The following SAMD5 variants were observed in gnomAD, a reference collection of about 807,000 sequenced individuals.
SAMD5 encodes sterile alpha motif domain-containing protein 5.
Under a neutral mutation model 11.3 loss-of-function variants are expected in SAMD5, and 13 were observed. The observed-to-expected ratio is 1.15, with a 90% confidence interval of 0.75 to 1.83. SAMD5 has a LOEUF of 1.83. Among genes scored for constraint, SAMD5 ranks in the 40% most tolerant of loss-of-function variants. SAMD5 has a pLI of 0.00. For missense variants in SAMD5, 255 were observed against 239.1 expected, an observed-to-expected ratio of 1.07 and a Z score of -0.44; for synonymous variants, 129 against 111.3, an observed-to-expected ratio of 1.16 and a Z score of -1.00.
intron 1 of SAMD5, among the ~76,000 whole-genome samples, chr6:147,710,221 G>A (rs942636742): frequency 2.0e-5 from 3 of 152,094 alleles, no homozygotes; most frequent in African/African-American, 7.2e-5. Flanking sequence ...CCTGCTATGA[G>A]ACTGGGTTGA....
chr6:147,578,802 A>T (rs1014567783), intron 1 of SAMD5, among the ~76,000 whole-genome samples: 1 of 152,008 alleles, frequency 6.6e-6, no homozygotes, highest in Non-Finnish European at 1.5e-5. Flanking sequence ...AAAAAAAAAA[A>T]ACCCAATCTA....
intron 1 of SAMD5, among the ~76,000 whole-genome samples, chr6:147,618,068 T>A (rs1562334784): frequency 6.6e-6 from 1 of 152,246 alleles, no homozygotes. Flanking sequence ...CTACTTTTTA[T>A]GTTTTGACTC....
chr6:147,741,960 C>T (rs1240107045), downstream of SAMD5: 2 of 152,102 alleles, frequency 1.3e-5, no homozygotes, highest in African/African-American at 2.4e-5. Context: ...TTCCCCTCTG[C>T]GTGTTTATAT....
chr6:147,575,140 G>T (rs1583091231), intron 1 of SAMD5, among the ~76,000 whole-genome samples: 1 of 152,280 alleles, frequency 6.6e-6, no homozygotes, highest in East Asian at 1.9e-4. Context: ...TAAATGTAAG[G>T]TAATTCTATA....
At chr6:147,583,335 G>A (rs572119748) in intron 1 of SAMD5, among the ~76,000 whole-genome samples, 1 of 152,320 alleles carries the variant, frequency 6.6e-6, no homozygotes, top group East Asian at 1.9e-4. Flanking sequence ...GAATTAATGT[G>A]AGAATTTGGA....
chr6:147,690,182 T>G (rs73014020), intron 1 of SAMD5, among the ~76,000 whole-genome samples: 17,465 of 152,222 alleles, frequency 0.11, 1,100 homozygotes, highest in Middle Eastern at 0.16. Context: ...TATCTATTTT[T>G]AAATCTAAAT....
chr6:147,743,861 C>G, the SAMD5 span, among the ~76,000 whole-genome samples: 1 of 152,112 alleles, frequency 6.6e-6, no homozygotes, highest in Non-Finnish European at 1.5e-5. Flanking sequence ...AGATTTGGGA[C>G]TTAATAGAGT....
At chr6:147,776,856 C>A in the SAMD5 span, among the ~76,000 whole-genome samples, 7 of 152,166 alleles carry the variant, frequency 4.6e-5, no homozygotes, top group Non-Finnish European at 1.0e-4. Context: ...GTCATTAATT[C>A]CCAGGAATTG....
the SAMD5 span, among the ~76,000 whole-genome samples, chr6:147,762,259 A>G: frequency 1.3e-5 from 2 of 152,250 alleles, no homozygotes; most frequent in African/African-American, 2.4e-5. Flanking sequence ...AAGCTGGAGT[A>G]CAGTGGCGCA....
the SAMD5 span, among the ~76,000 whole-genome samples, chr6:147,853,505 C>T: frequency 2.0e-5 from 3 of 151,906 alleles, no homozygotes; most frequent in African/African-American, 7.2e-5. Flanking sequence ...AAAAGGGTAG[C>T]GAATAGTATA....
chr6:147,691,000 TG>T (rs1791094279), intron 1 of SAMD5, among the ~76,000 whole-genome samples: 2 of 47,068 alleles, frequency 4.2e-5, no homozygotes, highest in Non-Finnish European at 4.1e-5. Flanking sequence ...GGATCGGGGG[TG>T]TGGGGGTGGT....
the SAMD5 span, among the ~76,000 whole-genome samples, chr6:147,831,833 A>G: frequency 2.8e-4 from 42 of 152,150 alleles, no homozygotes; most frequent in Admixed American, 2.8e-3. Flanking sequence ...TGCATTATGT[A>G]GCTCAGTGAC....
At chr6:147,919,224 T>C in the SAMD5 span, among the ~76,000 whole-genome samples, 1 of 152,128 alleles carries the variant, frequency 6.6e-6, no homozygotes, top group Admixed American at 6.5e-5. Flanking sequence ...GAATTGGTAA[T>C]GTGTGAGCCA....
At chr6:147,719,008 A>G (rs1414295611) in intron 1 of SAMD5, among the ~76,000 whole-genome samples, 2 of 152,170 alleles carry the variant, frequency 1.3e-5, no homozygotes, top group African/African-American at 4.8e-5. Context: ...CTCTTTTAAC[A>G]ATGTAAATTC....
the SAMD5 span, among the ~76,000 whole-genome samples, chr6:147,894,126 AT>A: frequency 0.21 from 25,471 of 123,840 alleles, 2,075 homozygotes; most frequent in Non-Finnish European, 0.26. Flanking sequence ...TTTGTTTTGT[AT>A]TTTTTTTTTT....
At chr6:147,632,653 A>C (rs567930285) in intron 1 of SAMD5, among the ~76,000 whole-genome samples, 40 of 152,386 alleles carry the variant, frequency 2.6e-4, no homozygotes, top group African/African-American at 9.1e-4. Flanking sequence ...GCGTGGTCCC[A>C]GTCCTTGGGT....
chr6:147,820,299 C>T, the SAMD5 span, among the ~76,000 whole-genome samples: 2 of 152,056 alleles, frequency 1.3e-5, no homozygotes, highest in African/African-American at 4.8e-5. Flanking sequence ...GATATCCAAA[C>T]GTTAAAAAGA....
intron 1 of SAMD5, among the ~76,000 whole-genome samples, chr6:147,626,561 AC>A (rs1398653979): frequency 6.6e-6 from 1 of 151,822 alleles, no homozygotes; most frequent in African/African-American, 2.4e-5. Context: ...AACATTACTT[AC>A]CCTTTCAGTT....
the SAMD5 span, among the ~76,000 whole-genome samples, chr6:147,799,264 G>T: frequency 6.6e-6 from 1 of 151,928 alleles, no homozygotes; most frequent in African/African-American, 2.4e-5. Flanking sequence ...GGCAGGCCTG[G>T]TGGTGACAAA....
Sources: gnomAD v4.1 joint callset for allele counts (sites outside exome capture counted in the v4.1 genomes callset) on GRCh38, gnomAD v4.1.1 for gene constraint, MANE v1.5 for transcripts, NCBI Gene and HGNC (gene_info 2026-07-23, HGNC 2026-07-21) for gene names.